Variants in STAU2 observed in about 807,000 individuals in gnomAD.
The protein encoded by STAU2 is staufen double-stranded RNA binding protein 2.
In STAU2, 20 loss-of-function variants were observed where a neutral mutation model predicts 65.9. That is an observed-to-expected ratio of 0.30 (90% CI 0.21 to 0.44). The LOEUF is 0.44. Ranked by LOEUF, STAU2 falls within the 20% of genes least tolerant of loss-of-function variation. The pLI is 1.00. For synonymous variants in STAU2, 232 were observed against 233.9 expected, an observed-to-expected ratio of 0.99 and a Z score of 0.07; for missense variants, 558 against 683.9, an observed-to-expected ratio of 0.82 and a Z score of 2.05.
intron 13 of STAU2, among the ~76,000 whole-genome samples, chr8:73,514,272 T>G (rs565732540): frequency 6.6e-6 from 1 of 152,328 alleles, no homozygotes; most frequent in Admixed American, 6.5e-5. Context: ...TATCCATTCC[T>G]AAATTCCTAT....
chr8:73,665,886 T>C (rs1398989545), intron 6 of STAU2, among the ~76,000 whole-genome samples: 4 of 152,184 alleles, frequency 2.6e-5, no homozygotes, highest in Non-Finnish European at 5.9e-5. Flanking sequence ...CATCCTCCCA[T>C]ATACATTAAG....
At chr8:73,455,001 T>A (rs1349603358) in intron 13 of STAU2, among the ~76,000 whole-genome samples, 1 of 152,148 alleles carries the variant, frequency 6.6e-6, no homozygotes, top group Non-Finnish European at 1.5e-5. Context: ...AGCCAGCTCA[T>A]GCTTAGAGAT....
intron 6 of STAU2, chr8:73,652,784 A>G (rs1362000790): frequency 6.6e-6 from 1 of 152,090 alleles, no homozygotes; most frequent in Non-Finnish European, 1.5e-5. Flanking sequence ...ACTTCATGTC[A>G]TTAAATATGT....
chr8:73,710,376 C>CTTTTTTT (rs11389924), intron 3 of STAU2, among the ~76,000 whole-genome samples: 1 of 133,666 alleles, frequency 7.5e-6, no homozygotes, highest in Admixed American at 7.5e-5. Flanking sequence ...GGCTTCTATC[C>CTTTTTTT]TTTTTTTTTT....
intron 4 of STAU2, among the ~76,000 whole-genome samples, chr8:73,700,258 A>G (rs2130597091): frequency 6.6e-6 from 1 of 152,282 alleles, no homozygotes; most frequent in Middle Eastern, 3.4e-3. Flanking sequence ...TTAGGTCTGT[A>G]ACACAACAAA....
At chr8:73,732,097 G>A (rs184810138) in intron 3 of STAU2, among the ~76,000 whole-genome samples, 1 of 152,306 alleles carries the variant, frequency 6.6e-6, no homozygotes, top group Non-Finnish European at 1.5e-5. Context: ...CAGATGTTTA[G>A]GACTGGAAGC....
intron 6 of STAU2, among the ~76,000 whole-genome samples, chr8:73,628,218 C>T (rs1235992089): frequency 6.6e-6 from 1 of 151,178 alleles, no homozygotes; most frequent in African/African-American, 2.4e-5. Flanking sequence ...GGACCACAAG[C>T]ATGTGCCATC....
chr8:73,422,524 TGTC>T, intron 14 of STAU2, 87 bp downstream of exon 14: 1 of 1,004,514 alleles, frequency 1.0e-6, no homozygotes, highest in Non-Finnish European at 1.4e-6. Flanking sequence ...TAGATACTAT[TGTC>T]GACTTTTTAA....
chr8:73,576,821 G>A (rs932361977), intron 12 of STAU2, among the ~76,000 whole-genome samples: 8 of 152,002 alleles, frequency 5.3e-5, no homozygotes, highest in African/African-American at 1.4e-4. Flanking sequence ...TTCTCCTTAT[G>A]CTTACTGTAA....
chr8:73,701,068 T>C (rs1310513904), intron 4 of STAU2, among the ~76,000 whole-genome samples: 1 of 152,074 alleles, frequency 6.6e-6, no homozygotes, highest in African/African-American at 2.4e-5. Context: ...TAGATATCCA[T>C]ATGCAGAAAA....
chr8:73,663,485 C>A (rs146521580), intron 6 of STAU2, among the ~76,000 whole-genome samples: 70 of 152,192 alleles, frequency 4.6e-4, no homozygotes, highest in African/African-American at 1.6e-3. Flanking sequence ...ATTATTGTAG[C>A]TTTATAGCAA....
At chr8:73,463,504 A>G (rs1036878259) in intron 13 of STAU2, among the ~76,000 whole-genome samples, 5 of 152,266 alleles carry the variant, frequency 3.3e-5, no homozygotes, top group Non-Finnish European at 5.9e-5. Context: ...TAATGATTAC[A>G]GAAGCTGGTG....
At chr8:73,461,618 G>A (rs562148589) in intron 13 of STAU2, among the ~76,000 whole-genome samples, 40 of 152,122 alleles carry the variant, frequency 2.6e-4, no homozygotes, top group African/African-American at 8.7e-4. Flanking sequence ...ATCATGTCAT[G>A]CTGGTGGCAG....
intron 6 of STAU2, among the ~76,000 whole-genome samples, chr8:73,634,603 C>T (rs1312884640): frequency 1.3e-5 from 2 of 152,214 alleles, no homozygotes; most frequent in African/African-American, 4.8e-5. Flanking sequence ...CAATGGCCTA[C>T]AAGGCCTTAC....
chr8:73,447,802 C>T (rs60783419), intron 13 of STAU2, among the ~76,000 whole-genome samples: 4 of 152,080 alleles, frequency 2.6e-5, no homozygotes, highest in African/African-American at 4.8e-5. Context: ...TTTCCTCCCC[C>T]CTCTGGGTGG....
intron 5 of STAU2, among the ~76,000 whole-genome samples, chr8:73,681,746 A>G (rs189398004): frequency 2.3e-3 from 349 of 152,284 alleles, no homozygotes; most frequent in African/African-American, 7.3e-3. Flanking sequence ...CTAACACATA[A>G]GGACTCACAT....
At chr8:73,496,194 C>T (rs1806509505) in intron 13 of STAU2, among the ~76,000 whole-genome samples, 1 of 150,950 alleles carries the variant, frequency 6.6e-6, no homozygotes, top group South Asian at 2.1e-4. Flanking sequence ...CTTATTCTCT[C>T]GGTGTGTGTG....
At chr8:73,724,691 ATTTTT>A (rs71269938) in intron 3 of STAU2, among the ~76,000 whole-genome samples, 1 of 142,100 alleles carries the variant, frequency 7.0e-6, no homozygotes, top group African/African-American at 2.6e-5. Context: ...ATATATATAT[ATTTTT>A]TTTTTTTTTC....
intron 13 of STAU2, among the ~76,000 whole-genome samples, chr8:73,500,394 A>G: frequency 6.6e-6 from 1 of 150,622 alleles, no homozygotes; most frequent in Admixed American, 6.6e-5. Context: ...AACTTTGTGA[A>G]TTTTTTTTTT....
Sources: gnomAD v4.1 joint callset for allele counts (sites outside exome capture counted in the v4.1 genomes callset) on GRCh38, gnomAD v4.1.1 for gene constraint, MANE v1.5 for transcripts, NCBI Gene and HGNC (gene_info 2026-07-23, HGNC 2026-07-21) for gene names.